The following ZFC3H1 variants were observed in gnomAD, a reference collection of about 807,000 sequenced individuals.
ZFC3H1 encodes the protein zinc finger C3H1-type containing.
A neutral mutation model predicts 243.7 loss-of-function variants in ZFC3H1; 71 were observed. The ratio of observed to expected loss-of-function variants is 0.29; its 90% CI spans 0.24 to 0.36. The LOEUF (loss-of-function observed/expected upper bound fraction) is 0.36. ZFC3H1 is among the 10% of genes least tolerant of loss of function. The probability of loss-of-function intolerance (pLI) is 1.00; values close to 1 mark genes in which losing one functional copy is unlikely to be tolerated. For missense variants in ZFC3H1, 1,966 were observed against 2,317.1 expected, an observed-to-expected ratio of 0.85 and a Z score of 3.11; for synonymous variants, 838 against 813.0, an observed-to-expected ratio of 1.03 and a Z score of -0.52.
chr12:71,630,881 C>T lies in ZFC3H1; in HGVS notation c.3544G>A (p.Asp1182Asn), dbSNP rs1057481887. The part of the protein sequence containing the change: ...SVSYSNMIEP[D>N]QCFCRFDLTG... ...AAATCAAAACGGCAGAAACACTGATCCGGTTCAATCATATTACTGTATGAT... is the reference window on the plus strand; with the variant it reads ...AAATCAAAACGGCAGAAACACTGATTCGGTTCAATCATATTACTGTATGAT... The change falls in exon 17 of 35, where the codon GAT becomes AAT. Residue 1182 changes from aspartate to asparagine, a missense_variant. Physicochemically the swap from Asp to Asn is conservative, Grantham distance 23. This residue lies in a region of ZFC3H1 where 1,383 missense variants were observed against 1,723.7 expected (regional missense o/e 0.80). Coordinates refer to ENST00000378743, the MANE Select transcript of ZFC3H1 (RefSeq NM_144982.5). 6 of 1,613,382 alleles carry T rather than the reference C, an allele frequency of 3.7e-6. No individual in the cohort carries two copies. In the African/African-American group the frequency reaches 5.3e-5, roughly 14 times the overall value.
intron 23 of ZFC3H1, 143 bp downstream of exon 23, chr12:71,623,961 C>T (rs1171930892): frequency 1.2e-6 from 1 of 807,858 alleles, no homozygotes; most frequent in East Asian, 2.5e-5. Flanking sequence ...TACCCAATGT[C>T]ACATGACTTA....
chr12:71,628,838 C>A, intron 20 of ZFC3H1, 80 bp downstream of exon 20: 2 of 1,442,822 alleles, frequency 1.4e-6, no homozygotes, highest in Non-Finnish European at 9.1e-7. Flanking sequence ...GCTGATACAC[C>A]AAAGGATTAG....
At chr12:71,615,158 G>A in intron 28 of ZFC3H1, 48 bp downstream of exon 28, 3 of 1,413,018 alleles carry the variant, frequency 2.1e-6, no homozygotes, top group Non-Finnish European at 2.0e-6. Context: ...GTAATAAATA[G>A]CAAATGCAGG....
chr12:71,619,795 T>C (rs996409651), intron 26 of ZFC3H1, 131 bp downstream of exon 26: 20 of 779,038 alleles, frequency 2.6e-5, no homozygotes, highest in East Asian at 5.3e-5. Flanking sequence ...CTAAGTGCTA[T>C]GGCAAAGAGA....
chr12:71,610,943 T>G, intron 33 of ZFC3H1, 115 bp downstream of exon 33: 1 of 1,502,428 alleles, frequency 6.7e-7, no homozygotes, highest in South Asian at 1.2e-5. Context: ...CACTTGGTTC[T>G]TAGTGTGCAT....
chr12:71,661,467 A>G (rs1377439966), intron 1 of ZFC3H1, among the ~76,000 whole-genome samples: 1 of 149,138 alleles, frequency 6.7e-6, no homozygotes, highest in African/African-American at 2.5e-5. Flanking sequence ...AAAAAGTTAA[A>G]TATCTATATA....
At position 71,626,437 on chromosome 12, in the gene ZFC3H1, T is replaced by G. The variant is rs377165628; in HGVS notation, c.4140A>C (p.Ser1380=). ...KYLNQNEGEC[S]ESLDSALNVL... is the part of the protein sequence containing the mutation. ...CATTTAAAGCAGAATCCAAGGATTC[T>G]GAGCACTCCCTGTATATATAAAAGA... Residue 1380 remains serine (S), a synonymous_variant, in exon 22 of 35, where the codon TCA becomes TCC. Transcript: ENST00000378743. 1.1e-5 allele frequency: 17 copies of G among 1,613,520 alleles called. No homozygotes were observed. The highest frequency in any genetic ancestry group is 1.4e-5 in the Non-Finnish European group (17 of 1,179,848).
At chr12:71,624,032 G>A in intron 23 of ZFC3H1, 72 bp downstream of exon 23, 1 of 1,398,314 alleles carries the variant, frequency 7.2e-7, no homozygotes, top group Non-Finnish European at 9.6e-7. Context: ...ATTAAATAAT[G>A]CTATGGATAA....
At chr12:71,624,653 A>G (rs1013615722) in intron 22 of ZFC3H1, among the ~76,000 whole-genome samples, 21 of 152,188 alleles carry the variant, frequency 1.4e-4, no homozygotes, top group African/African-American at 5.1e-4. Context: ...TAGGTGTGTG[A>G]CTGTATAAAA....
At chr12:71,639,992 T>A (rs1880561083) in intron 6 of ZFC3H1, among the ~76,000 whole-genome samples, 1 of 152,210 alleles carries the variant, frequency 6.6e-6, no homozygotes, top group Non-Finnish European at 1.5e-5. Context: ...AGTTTTATTG[T>A]GCTCTTGATT....
intron 5 of ZFC3H1, among the ~76,000 whole-genome samples, chr12:71,643,630 T>C (rs1001675597): frequency 1.3e-5 from 2 of 152,152 alleles, no homozygotes; most frequent in African/African-American, 2.4e-5. Flanking sequence ...TTTATATACA[T>C]AGTAAATGTT....
At chr12:71,656,248 C>T (rs912197097) in intron 2 of ZFC3H1, 2 of 253,784 alleles carry the variant, frequency 7.9e-6, no homozygotes. Context: ...TGAAGAACTA[C>T]ACACTTATTC....
chr12:71,638,514 A>G lies in ZFC3H1; in HGVS notation c.1629T>C (p.Ala543=), dbSNP rs1317442889. ...AAAATGGCGGTTGCACTGGTGAAGG[A>G]GCTGTAAAAAAATTTTTTGTTAAGA... The part of the protein sequence containing the change: ...MDTDSETSSP[A]PSPVQPPFFS... Residue 543 remains alanine, a splice_region_variant and synonymous_variant, in exon 7 of 35, where the codon GCT becomes GCC. Transcript: ENST00000378743. The G allele has an allele frequency of 6.3e-7, 1 of 1,597,154 alleles. No individual in the cohort carries two copies. Among genetic ancestry groups the G allele is most frequent in the Admixed American group, 1.8e-5 (1 of 55,260 alleles).
rs563215321 is a variant in ZFC3H1 at position 71,626,243 on chromosome 12, T to C, written c.4317+17A>G. 15 of 1,601,976 alleles carry C rather than the reference T, an allele frequency of 9.4e-6. No homozygotes were observed. In the East Asian group the frequency reaches 1.1e-4, roughly 12 times the overall value. On this transcript the variant is annotated intron_variant, in intron 22 of 34. Transcript: ENST00000378743. ...ACACACACACACACACACACGTACG[T>C]TATCTTTTCTACTCACAGTCCAAAA... is the stretch of plus-strand genomic sequence containing the variant.
At chr12:71,657,629 T>G (rs940489924) in intron 1 of ZFC3H1, among the ~76,000 whole-genome samples, 2 of 152,172 alleles carry the variant, frequency 1.3e-5, no homozygotes, top group African/African-American at 4.8e-5. Context: ...ATTAGCTGTA[T>G]GTTAGAGATT....
Position 71,663,762 on chromosome 12 carries a change from C to A in ZFC3H1, c.-152G>T, listed in dbSNP as rs758923243. 39 of 797,932 alleles carry A rather than the reference C, an allele frequency of 4.9e-5. No individual in the cohort carries two copies. The highest frequency in any genetic ancestry group is 7.3e-5 in the Non-Finnish European group (37 of 509,808). 49.4% of individuals were successfully genotyped at this position (797,932 alleles called of 1,614,324 possible). A position where few individuals can be genotyped will look rare whatever the true frequency, so the allele number is the denominator to read the frequency against. Reference sequence around the variant, plus strand: ...GCCTCTGCTCCCCAACTTCCCCGCACCCCAGCACCCCAGCTCTCTCTCGCC... The same window carrying A: ...GCCTCTGCTCCCCAACTTCCCCGCAACCCAGCACCCCAGCTCTCTCTCGCC... On this transcript the variant is annotated 5_prime_UTR_variant, in exon 1 of 35. Transcript: ENST00000378743.
intron 24 of ZFC3H1, among the ~76,000 whole-genome samples, chr12:71,622,943 G>A (rs938714693): frequency 6.6e-6 from 1 of 151,534 alleles, no homozygotes; most frequent in African/African-American, 2.4e-5. Flanking sequence ...TTAATATAGA[G>A]AAGCAACCAA....
At chr12:71,659,088 ACT>A (rs1411737045) in intron 1 of ZFC3H1, among the ~76,000 whole-genome samples, 3 of 152,006 alleles carry the variant, frequency 2.0e-5, no homozygotes, top group Non-Finnish European at 4.4e-5. Flanking sequence ...TTTCTCTCTA[ACT>A]TGTGAAATAA....
chr12:71,660,822 AAAAAACACATAT>A (rs1326323218), intron 1 of ZFC3H1, among the ~76,000 whole-genome samples: 1 of 152,052 alleles, frequency 6.6e-6, no homozygotes, highest in East Asian at 1.9e-4. Context: ...TTGTACCTTT[AAAAAACACATAT>A]AAACTGGTGG....
Sources: gnomAD v4.1 joint callset for allele counts (sites outside exome capture counted in the v4.1 genomes callset) on GRCh38, gnomAD v4.1.1 for gene constraint, gnomAD v4.1.1 regional missense constraint, MANE v1.5 for transcripts, NCBI Gene and HGNC (gene_info 2026-07-23, HGNC 2026-07-21) for gene names.